ST8SIA6: variants seen among roughly 807,000 people sequenced by gnomAD.
ST8SIA6 encodes alpha-2,8-sialyltransferase 8F.
In ST8SIA6, 39 loss-of-function variants were observed where a neutral mutation model predicts 33.6. The ratio of observed to expected loss-of-function variants is 1.16; its 90% CI spans 0.90 to 1.52. The LOEUF (loss-of-function observed/expected upper bound fraction) is 1.52, where lower values mean the gene tolerates loss of function less well. Among genes scored for constraint, ST8SIA6 ranks in the 40% most tolerant of loss-of-function variants. ST8SIA6 has a pLI of 0.00. For synonymous variants in ST8SIA6, 172 were observed against 167.2 expected (o/e 1.03, Z -0.22); for missense variants, 441 against 443.8 (o/e 0.99, Z 0.06).
rs920453416 is a variant in ST8SIA6, at chr10:17,353,100, T to A, written c.377+6414A>T. On this transcript the variant is annotated intron_variant, in intron 4 of 7. Coordinates refer to ENST00000377602, the MANE Select transcript of ST8SIA6 (RefSeq NM_001004470.3). ...TGAAAGAAGCCCCTAGCAGAGATGA[T>A]TTTTGGTTTTCTCCAAGAACTTTGT... is the stretch of plus-strand genomic sequence containing the variant. 2.0e-5 allele frequency among the ~76,000 whole-genome samples: 3 copies of A among 152,148 alleles called. No homozygotes were observed. The South Asian group carries it at 6.2e-4, about 31-fold the overall frequency.
chr10:17,346,712 A>G (rs1354952089), intron 4 of ST8SIA6, among the ~76,000 whole-genome samples: 2 of 152,202 alleles, frequency 1.3e-5, no homozygotes, highest in Non-Finnish European at 2.9e-5. Context: ...TTTATTATGC[A>G]GCAATAGATA....
At chr10:17,443,037 G>A (rs1464356776) in intron 2 of ST8SIA6, among the ~76,000 whole-genome samples, 1 of 152,214 alleles carries the variant, frequency 6.6e-6, no homozygotes, top group Non-Finnish European at 1.5e-5. Flanking sequence ...GATATAGGAA[G>A]CGTAAATACT....
At chr10:17,327,203 CTT>C in intron 5 of ST8SIA6, 77 bp from the exon 6 acceptor site, 2 of 1,104,996 alleles carry the variant, frequency 1.8e-6, no homozygotes, top group Non-Finnish European at 2.6e-6. Context: ...ATTCTAGTAA[CTT>C]AACTCTTTAT....
intron 4 of ST8SIA6, among the ~76,000 whole-genome samples, chr10:17,346,404 G>A (rs573891250): frequency 2.0e-5 from 3 of 152,214 alleles, no homozygotes; most frequent in African/African-American, 7.2e-5. Context: ...GAGTTGCCTG[G>A]GCAACATAGG....
At chr10:17,380,279 G>A (rs1414899671) in intron 3 of ST8SIA6, among the ~76,000 whole-genome samples, 1 of 152,202 alleles carries the variant, frequency 6.6e-6, no homozygotes, top group African/African-American at 2.4e-5. Context: ...GACTAAGTAA[G>A]AAACTGGTTT....
chr10:17,451,983 G>GA (rs150550240), intron 2 of ST8SIA6, among the ~76,000 whole-genome samples: 2,237 of 152,230 alleles, frequency 0.015, 46 homozygotes, highest in African/African-American at 0.051. Context: ...ATTCATCAAA[G>GA]ATTACCTCTA....
chr10:17,420,444 A>G (rs1426756657), intron 2 of ST8SIA6, among the ~76,000 whole-genome samples: 15 of 152,244 alleles, frequency 9.9e-5, no homozygotes, highest in East Asian at 1.9e-4. Context: ...ATAAAATAAA[A>G]TAAAAGCTAG....
chr10:17,395,560 A>T (rs1038434918), intron 2 of ST8SIA6, among the ~76,000 whole-genome samples: 1 of 152,124 alleles, frequency 6.6e-6, no homozygotes, highest in Non-Finnish European at 1.5e-5. Flanking sequence ...AATTTTTTTA[A>T]TTTTATTCTA....
chr10:17,371,980 C>T (rs1849751168), intron 3 of ST8SIA6, among the ~76,000 whole-genome samples: 1 of 152,030 alleles, frequency 6.6e-6, no homozygotes, highest in Admixed American at 6.6e-5. Flanking sequence ...TGAAAAAGCT[C>T]ACCAGTGAGT....
intron 3 of ST8SIA6, among the ~76,000 whole-genome samples, chr10:17,369,318 A>G (rs1299633194): frequency 1.3e-5 from 2 of 152,166 alleles, no homozygotes; most frequent in Non-Finnish European, 2.9e-5. Flanking sequence ...TTTTGATTTC[A>G]TCTTGGATGC....
Position 17,437,221 on chromosome 10 carries a change from G to A in ST8SIA6, c.200+16338C>T, listed in dbSNP as rs151154607. 2.0e-3 allele frequency among the ~76,000 whole-genome samples: 306 copies of A among 151,796 alleles called. 6 individuals are homozygous for A. The East Asian group carries it at 0.053, about 27-fold the overall frequency. On this transcript the variant is annotated intron_variant, in intron 2 of 7. Coordinates refer to ENST00000377602, the MANE Select transcript of ST8SIA6 (RefSeq NM_001004470.3). ...TTGCCTCAGGCTGGAGTGCAGTGGC[G>A]CAATCACAGCTCAATGCAGCCTTGA... is the stretch of plus-strand genomic sequence containing the variant.
intron 3 of ST8SIA6, among the ~76,000 whole-genome samples, chr10:17,375,644 G>A (rs1048548115): frequency 8.5e-5 from 13 of 152,218 alleles, no homozygotes; most frequent in African/African-American, 2.9e-4. Context: ...CTTAGTCTGT[G>A]CAAGGCAGAT....
chr10:17,426,218 A>G (rs544940575), intron 2 of ST8SIA6, among the ~76,000 whole-genome samples: 1 of 152,192 alleles, frequency 6.6e-6, no homozygotes, highest in South Asian at 2.1e-4. Flanking sequence ...TGCTGTGAAC[A>G]TGTGGGACTA....
intron 2 of ST8SIA6, among the ~76,000 whole-genome samples, chr10:17,430,057 T>A (rs1318150605): frequency 6.6e-6 from 1 of 152,132 alleles, no homozygotes; most frequent in East Asian, 1.9e-4. Flanking sequence ...CCTCCCATCT[T>A]CCCCTTTCTG....
chr10:17,449,440 A>G (rs1327506702), intron 2 of ST8SIA6, among the ~76,000 whole-genome samples: 7 of 152,220 alleles, frequency 4.6e-5, no homozygotes, highest in Non-Finnish European at 2.9e-5. Flanking sequence ...TTCTGAGTAT[A>G]TGACCTTACC....
intron 2 of ST8SIA6, among the ~76,000 whole-genome samples, chr10:17,442,607 T>A (rs1000497066): frequency 2.0e-5 from 3 of 152,216 alleles, no homozygotes; most frequent in African/African-American, 7.2e-5. Context: ...TATGTGATCA[T>A]TAATCTCCAA....
chr10:17,316,607 C>G lies in ST8SIA6; in HGVS notation c.*4271G>C, dbSNP rs1847785565. Among the ~76,000 whole-genome samples, 1 of 152,182 alleles carries G rather than the reference C, an allele frequency of 6.6e-6. No homozygotes were observed. Among genetic ancestry groups the G allele is most frequent in the East Asian group, 1.9e-4 (1 of 5,184 alleles). ...TCCTAGGTTGCTTTCCAAAATGATT[C>G]AATCAGCTTATACTTCCACACTTGA... On this transcript the variant is annotated 3_prime_UTR_variant, in exon 8 of 8. Transcript: ENST00000377602.
At chr10:17,436,410 T>A (rs1852256507) in intron 2 of ST8SIA6, among the ~76,000 whole-genome samples, 1 of 152,118 alleles carries the variant, frequency 6.6e-6, no homozygotes, top group Non-Finnish European at 1.5e-5. Context: ...TTAGGGTACA[T>A]GTGCACAACG....
intron 2 of ST8SIA6, among the ~76,000 whole-genome samples, chr10:17,411,471 C>G (rs554427131): frequency 2.0e-4 from 31 of 152,196 alleles, no homozygotes; most frequent in Non-Finnish European, 3.7e-4. Context: ...GCATGAGCCA[C>G]TGCACCTGGC....
Sources: gnomAD v4.1 joint callset for allele counts (sites outside exome capture counted in the v4.1 genomes callset) on GRCh38, gnomAD v4.1.1 for gene constraint, MANE v1.5 for transcripts, NCBI Gene and HGNC (gene_info 2026-07-23, HGNC 2026-07-21) for gene names.